Variants in STS observed in about 807,000 individuals in gnomAD.
STS encodes steryl-sulfatase.
STS carries 7 observed loss-of-function variants against 26.8 expected under a neutral mutation model. The observed-to-expected ratio is 0.26, with a 90% confidence interval of 0.15 to 0.49. STS has a LOEUF of 0.49. Ranked by LOEUF, STS falls within the 20% of genes least tolerant of loss-of-function variation. The probability of loss-of-function intolerance (pLI) is 0.98; values close to 1 mark genes in which losing one functional copy is unlikely to be tolerated. For synonymous variants in STS, 199 were observed against 189.4 expected (o/e 1.05, Z -0.42); for missense variants, 434 against 465.6 (o/e 0.93, Z 0.63).
chrX:7,234,047 T>G (rs1380625386), intron 2 of STS, among the ~76,000 whole-genome samples: 1 of 112,213 alleles, frequency 8.9e-6, no homozygotes, highest in Non-Finnish European at 1.9e-5. Context: ...CTTGTGTGTA[T>G]TTTATTTTCT....
In STS at chrX:7,323,283, A is replaced by T. The variant is rs185082074; in HGVS notation, c.1082-2056A>T. ...ACGTGTGCTGGTGTGTTACATGGGT[A>T]TATTGCATTATGCTGAGGTTTGGGG... On this transcript the variant is annotated intron_variant, in intron 8 of 10. Transcript: ENST00000674429. 7.4e-3 allele frequency among the ~76,000 whole-genome samples: 811 copies of T among 109,373 alleles called. 27 individuals carry two copies. The highest frequency in any genetic ancestry group is 0.07 in the Admixed American group (712 of 10,186). 95.0% of individuals were successfully genotyped at this position (109,373 alleles called of 115,157 possible).
Position 7,326,837 on chromosome X carries a change from G to C in STS, c.1241+1339G>C, listed in dbSNP as rs147457557. Reference sequence around the variant, plus strand: ...GCTGCCAAAGCAAGTCCAGAGATGGGTTTCCTCCCCTCCCGCTGTATTCGA... The same window carrying C: ...GCTGCCAAAGCAAGTCCAGAGATGGCTTTCCTCCCCTCCCGCTGTATTCGA... On this transcript the variant is annotated intron_variant, in intron 9 of 10. Transcript: ENST00000674429. Among the ~76,000 whole-genome samples the C allele has an allele frequency of 4.2e-4, 47 of 111,723 alleles. No homozygotes were observed. The East Asian group carries it at 0.013, about 31-fold the overall frequency.
chrX:7,305,766 T>A (rs1029016038), intron 8 of STS, among the ~76,000 whole-genome samples: 1 of 111,713 alleles, frequency 9.0e-6, no homozygotes, highest in Non-Finnish European at 1.9e-5. Flanking sequence ...GCTTCCATAA[T>A]CTCATCTCCT....
rs761562110 is a variant in STS, at chrX:7,325,521, G to C, written c.1241+23G>C. 5 of 1,209,038 alleles carry C rather than the reference G, an allele frequency of 4.1e-6. No homozygotes were observed. The South Asian group carries it at 5.3e-5, about 13-fold the overall frequency. On this transcript the variant is annotated intron_variant, in intron 9 of 10. Coordinates refer to ENST00000674429, the MANE Select transcript of STS (RefSeq NM_001320752.2). ...CAGGTACTCTGATGCCAGGGTGGTT[G>C]GTATTGTTGAGCTCTGATTTCACAG...
chrX:7,192,659 G>A (rs181682636), intron 2 of STS, among the ~76,000 whole-genome samples: 94 of 112,341 alleles, frequency 8.4e-4, no homozygotes, highest in African/African-American at 2.9e-3. Context: ...TGAAGACCTG[G>A]ATGATCCTGC....
intron 1 of STS, among the ~76,000 whole-genome samples, chrX:7,163,452 G>A (rs1933289826): frequency 1.8e-5 from 2 of 112,256 alleles, no homozygotes; most frequent in African/African-American, 6.5e-5. Flanking sequence ...GCTTGTCACA[G>A]CTGGTTTGAC....
intron 6 of STS, among the ~76,000 whole-genome samples, chrX:7,263,750 G>A (rs1367087488): frequency 9.0e-6 from 1 of 111,486 alleles, no homozygotes; most frequent in Non-Finnish European, 1.9e-5. Flanking sequence ...GTTTGGTGTT[G>A]TGTTGCGTTT....
chrX:7,200,312 GA>G (rs1377524542), intron 2 of STS, among the ~76,000 whole-genome samples: 1 of 111,046 alleles, frequency 9.0e-6, no homozygotes, highest in Admixed American at 9.6e-5. Context: ...ATTCCTTTAA[GA>G]AAATTTTTGT....
At chrX:7,201,313 A>G (rs1934068761) in intron 2 of STS, among the ~76,000 whole-genome samples, 1 of 111,951 alleles carries the variant, frequency 8.9e-6, no homozygotes, top group Non-Finnish European at 1.9e-5. Context: ...CATGTTGAGA[A>G]TGTTCTCAAA....
At chrX:7,266,029 C>G (rs143230263) in intron 6 of STS, among the ~76,000 whole-genome samples, 136 of 111,912 alleles carry the variant, frequency 1.2e-3, no homozygotes, top group African/African-American at 4.2e-3. Context: ...GTCTTACCAC[C>G]TTTGTGAGAA....
Position 7,196,435 on chromosome X carries a change from A to G in STS, c.-5+5427A>G, listed in dbSNP as rs141213327. 2.2e-3 allele frequency among the ~76,000 whole-genome samples: 252 copies of G among 112,005 alleles called. 2 individuals carry two copies. Among genetic ancestry groups the G allele is most frequent in the African/African-American group, 7.9e-3 (244 of 30,850 alleles). On this transcript the variant is annotated intron_variant, in intron 2 of 10. Transcript: ENST00000674429. Reference sequence around the variant, plus strand: ...TTTAAGAGCTTCTCCTGTGTCTGCAATTACTCAAAATAATTCTTACGCCAA... The same window carrying G: ...TTTAAGAGCTTCTCCTGTGTCTGCAGTTACTCAAAATAATTCTTACGCCAA...
At chrX:7,253,668 G>T (rs1923256144) in intron 3 of STS, among the ~76,000 whole-genome samples, 1 of 111,457 alleles carries the variant, frequency 9.0e-6, no homozygotes, top group Admixed American at 9.5e-5. Context: ...TCTCCTTTTG[G>T]CATCTGGCTT....
At chrX:7,205,934 G>C (rs1042285892) in intron 2 of STS, among the ~76,000 whole-genome samples, 1 of 109,305 alleles carries the variant, frequency 9.1e-6, no homozygotes, top group Non-Finnish European at 1.9e-5. Context: ...TTTTCCTCTG[G>C]ATTTCACAGT....
chrX:7,219,931 T>G (rs1921475174), intron 2 of STS, among the ~76,000 whole-genome samples: 1 of 112,656 alleles, frequency 8.9e-6, no homozygotes, highest in Admixed American at 9.4e-5. Flanking sequence ...CAAATCGCTT[T>G]TGTGGCTGTT....
intron 2 of STS, among the ~76,000 whole-genome samples, chrX:7,214,017 G>T (rs1921136645): frequency 9.0e-6 from 1 of 111,526 alleles, no homozygotes; most frequent in Non-Finnish European, 1.9e-5. Flanking sequence ...TGGGATGGGA[G>T]GTTGAGGCTG....
chrX:7,326,185 G>C (rs1377043582), intron 9 of STS, among the ~76,000 whole-genome samples: 2 of 110,708 alleles, frequency 1.8e-5, no homozygotes, highest in Non-Finnish European at 3.8e-5. Context: ...CCTCGGTTTG[G>C]AGTGTCACGA....
chrX:7,243,913 A>G (rs1307513297), intron 2 of STS, among the ~76,000 whole-genome samples: 1 of 111,496 alleles, frequency 9.0e-6, no homozygotes, highest in Non-Finnish European at 1.9e-5. Flanking sequence ...ACAACAACAA[A>G]AAAAGATTAG....
rs151051983 is a variant in STS, at chrX:7,176,550, G to A, written c.-133-14330G>A. On this transcript the variant is annotated intron_variant, in intron 1 of 10. Coordinates refer to ENST00000674429, the MANE Select transcript of STS (RefSeq NM_001320752.2). ...CTGCTGTGAAGAAATACCCAAGACT[G>A]GGTAATTTATAAAGAAAAGAGGTTT... is the stretch of plus-strand genomic sequence containing the variant. Among the ~76,000 whole-genome samples, 165 of 111,726 alleles carry A rather than the reference G, an allele frequency of 1.5e-3. 3 individuals are homozygous for A. In the East Asian group the frequency reaches 0.037, roughly 25 times the overall value.
chrX:7,280,992 C>T (rs1009833797), intron 7 of STS, among the ~76,000 whole-genome samples: 2 of 111,767 alleles, frequency 1.8e-5, no homozygotes, highest in African/African-American at 3.3e-5. Context: ...ATGGCAAAAC[C>T]GCGTCTCTAA....
Sources: allele counts gnomAD v4.1 joint callset (sites outside exome capture counted in the v4.1 genomes callset), GRCh38; gene constraint gnomAD v4.1.1; transcripts MANE v1.5; gene names NCBI Gene and HGNC (gene_info 2026-07-23, HGNC 2026-07-21).